Variants in CTNNA3 observed in about 807,000 individuals in gnomAD.
CTNNA3 encodes catenin alpha 3, also known as catenin alpha-3.
CTNNA3 carries 76 observed loss-of-function variants against 95.7 expected under a neutral mutation model. The observed-to-expected ratio is 0.79, with a 90% CI of 0.66 to 0.96. The LOEUF is 0.96. Ranked by LOEUF, CTNNA3 falls within the 40% of genes least tolerant of loss-of-function variation. CTNNA3 has a pLI of 0.00. For missense variants in CTNNA3, 1,191 were observed against 1,089.8 expected (o/e 1.09, Z -1.31); for synonymous variants, 431 against 374.4 (o/e 1.15, Z -1.74).
chr10:67,692,052 C>T (rs1320313266), intron 1 of CTNNA3, among the ~76,000 whole-genome samples: 5 of 145,674 alleles, frequency 3.4e-5, no homozygotes, highest in Admixed American at 6.7e-5. Context: ...CCAGCCGCCC[C>T]GTCCGGGAGG....
chr10:67,551,796 G>C (rs1841043037), intron 3 of CTNNA3, among the ~76,000 whole-genome samples: 1 of 152,132 alleles, frequency 6.6e-6, no homozygotes, highest in Non-Finnish European at 1.5e-5. Context: ...ACTATTTTAG[G>C]GGTTCAACTG....
At position 67,750,864 on chromosome 10, in the gene CTNNA3, G is replaced by A. The variant is rs962032488; in HGVS notation, c.-2+12570C>T. On this transcript the variant is annotated intron_variant, in intron 1 of 17. Coordinates refer to the CTNNA3 transcript ENST00000684154. ...AGTGTCACCCATACCTCACACAGGA[G>A]AAACTGATCCAGTACTGCCACTCCA... 7 of 1,610,698 alleles carry A rather than the reference G, an allele frequency of 4.3e-6. No individual in the cohort carries two copies. In the African/African-American group the frequency reaches 9.4e-5, roughly 22 times the overall value.
intron 5 of CTNNA3, among the ~76,000 whole-genome samples, chr10:67,305,015 G>A (rs1348610166): frequency 6.6e-6 from 1 of 152,144 alleles, no homozygotes; most frequent in East Asian, 1.9e-4. Context: ...GGTGGCTCAT[G>A]CCTGTAATCC....
intron 16 of CTNNA3, among the ~76,000 whole-genome samples, chr10:65,982,988 C>T (rs1478389929): frequency 1.3e-5 from 2 of 151,390 alleles, no homozygotes; most frequent in African/African-American, 4.8e-5. Context: ...GGCCAGCCTC[C>T]AAGAATATTT....
chr10:67,353,189 A>G (rs993364120), intron 5 of CTNNA3, among the ~76,000 whole-genome samples: 1 of 152,010 alleles, frequency 6.6e-6, no homozygotes, highest in African/African-American at 2.4e-5. Context: ...GCTACTTTGC[A>G]TAATTATTCT....
At position 65,966,702 on chromosome 10, in the gene CTNNA3, T is replaced by C; in HGVS notation, c.2310A>G (p.Glu770=). 6.2e-7 allele frequency: 1 copy of C among 1,613,536 alleles called. No individual in the cohort carries two copies. Among genetic ancestry groups the C allele is most frequent in the Non-Finnish European group, 8.5e-7 (1 of 1,179,584 alleles). ...SCKQDLLAYL[E]QIKFYSHQLK... ...GTTGGTGGGAGTAGAACTTAATCTG[T>C]TCCAGGTAGGCCAACAAGTCCTGTT... The change falls in exon 17 of 18, where the codon GAA becomes GAG. Residue 770 remains glutamate, a synonymous_variant. Transcript: ENST00000433211.
chr10:67,112,647 G>A (rs544287761), intron 7 of CTNNA3, among the ~76,000 whole-genome samples: 2 of 151,024 alleles, frequency 1.3e-5, no homozygotes, highest in South Asian at 4.2e-4. Context: ...AAATTTCAGA[G>A]CAGAGAGGAA....
intron 11 of CTNNA3, among the ~76,000 whole-genome samples, chr10:66,402,070 G>T (rs1014033997): frequency 4.6e-5 from 7 of 152,020 alleles, no homozygotes; most frequent in African/African-American, 1.7e-4. Context: ...AATAATAACT[G>T]ATTTCATCTC....
At chr10:66,213,274 T>A (rs1337952288) in intron 13 of CTNNA3, among the ~76,000 whole-genome samples, 1 of 152,098 alleles carries the variant, frequency 6.6e-6, no homozygotes, top group African/African-American at 2.4e-5. Context: ...TATTTGAAGA[T>A]GAGTGTAGAA....
intron 7 of CTNNA3, among the ~76,000 whole-genome samples, chr10:66,919,494 T>C (rs1170542059): frequency 1.3e-5 from 2 of 152,124 alleles, no homozygotes; most frequent in African/African-American, 4.8e-5. Flanking sequence ...AACCTGAGAA[T>C]ATGGATTGAC....
intron 5 of CTNNA3, among the ~76,000 whole-genome samples, chr10:67,515,547 T>G (rs534965202): frequency 6.6e-6 from 1 of 152,336 alleles, no homozygotes; most frequent in African/African-American, 2.4e-5. Context: ...TGCAATAAAT[T>G]TTTAAATGAT....
At chr10:67,434,687 C>A (rs563814652) in intron 5 of CTNNA3, among the ~76,000 whole-genome samples, 1 of 151,976 alleles carries the variant, frequency 6.6e-6, no homozygotes, top group Non-Finnish European at 1.5e-5. Flanking sequence ...ATATTCACAC[C>A]AAAACCCAAG....
At chr10:66,231,676 A>G (rs2089597687) in intron 13 of CTNNA3, among the ~76,000 whole-genome samples, 1 of 152,214 alleles carries the variant, frequency 6.6e-6, no homozygotes, top group Non-Finnish European at 1.5e-5. Context: ...ATGGGTATAT[A>G]TTTTAAATTA....
intron 3 of CTNNA3, among the ~76,000 whole-genome samples, chr10:67,588,194 A>G (rs1842690088): frequency 6.7e-6 from 1 of 149,688 alleles, no homozygotes; most frequent in Non-Finnish European, 1.5e-5. Context: ...TTCATCTGGG[A>G]TTCTGATAAT....
At chr10:66,384,641 A>C (rs1383386051) in intron 11 of CTNNA3, among the ~76,000 whole-genome samples, 1 of 152,042 alleles carries the variant, frequency 6.6e-6, no homozygotes, top group Non-Finnish European at 1.5e-5. Flanking sequence ...AATATACATT[A>C]TTTTCATCAC....
intron 12 of CTNNA3, among the ~76,000 whole-genome samples, chr10:66,349,358 A>G (rs2092549686): frequency 6.6e-6 from 1 of 152,104 alleles, no homozygotes; most frequent in Admixed American, 6.5e-5. Context: ...TAAGACTCCA[A>G]TCAGAGAACA....
At chr10:66,385,577 C>A (rs2092883259) in intron 11 of CTNNA3, among the ~76,000 whole-genome samples, 1 of 152,174 alleles carries the variant, frequency 6.6e-6, no homozygotes, top group African/African-American at 2.4e-5. Context: ...GGGATTCCTC[C>A]CTAACTCATT....
At chr10:66,672,453 T>G (rs2394283) in intron 9 of CTNNA3, among the ~76,000 whole-genome samples, 56,972 of 151,864 alleles carry the variant, frequency 0.38, 11,093 homozygotes, top group Non-Finnish European at 0.41. Context: ...GTAATAAAAA[T>G]TAGGGAAAAA....
chr10:66,484,727 T>C (rs1156675204), intron 11 of CTNNA3, among the ~76,000 whole-genome samples: 2 of 152,048 alleles, frequency 1.3e-5, no homozygotes, highest in East Asian at 3.9e-4. Flanking sequence ...AAACTCGTTT[T>C]ACAAGGCTAG....
Sources: allele counts gnomAD v4.1 joint callset (sites outside exome capture counted in the v4.1 genomes callset), GRCh38; gene constraint gnomAD v4.1.1; transcripts MANE v1.5; gene names NCBI Gene and HGNC (gene_info 2026-07-23, HGNC 2026-07-21).